Variants in SLC26A3 observed in about 807,000 individuals in gnomAD.
The protein encoded by SLC26A3 is chloride anion exchanger.
Under a neutral mutation model 85.6 loss-of-function variants are expected in SLC26A3, and 64 were observed. The ratio of observed to expected loss-of-function variants is 0.75; its 90% CI spans 0.61 to 0.92. The LOEUF is 0.92. Among genes scored for constraint, SLC26A3 ranks in the 40% least tolerant of loss-of-function variants. The pLI, the probability that SLC26A3 is intolerant of heterozygous loss-of-function variation, is 0.00. For missense variants in SLC26A3, 922 were observed against 927.3 expected (o/e 0.99, Z 0.07); for synonymous variants, 349 against 336.0 (o/e 1.04, Z -0.42).
At chr7:107,789,787 G>A (rs944286927) in intron 5 of SLC26A3, 99 bp from the exon 6 acceptor site, 46 of 1,291,538 alleles carry the variant, frequency 3.6e-5, no homozygotes, top group Non-Finnish European at 4.8e-5. Flanking sequence ...AAACGTAAAG[G>A]CTCAACCTGT....
intron 6 of SLC26A3, among the ~76,000 whole-genome samples, chr7:107,787,776 T>G (rs1255420839): frequency 1.3e-5 from 2 of 152,210 alleles, no homozygotes; most frequent in African/African-American, 4.8e-5. Context: ...CTTTGGCTAG[T>G]GTCAAATTTT....
chr7:107,774,766 A>G lies in SLC26A3; in HGVS notation c.1773+11T>C. On this transcript the variant is annotated intron_variant, in intron 16 of 20. Transcript: ENST00000340010. Reference sequence around the variant, plus strand: ...AGCTATAATGCATAGAAATGTGGTCAAGGAACTTACTGGTGTCACTTGTAG... The same window carrying G: ...AGCTATAATGCATAGAAATGTGGTCGAGGAACTTACTGGTGTCACTTGTAG... 6.2e-7 allele frequency: 1 copy of G among 1,602,928 alleles called. No individual in the cohort carries two copies. The highest frequency in any genetic ancestry group is 8.5e-7 in the Non-Finnish European group (1 of 1,169,902).
chr7:107,787,548 T>C (rs1273874653), intron 6 of SLC26A3, 39 bp from the exon 7 acceptor site: 1 of 1,564,976 alleles, frequency 6.4e-7, no homozygotes. Context: ...AGCCCTATAT[T>C]AATGCACAAT....
intron 17 of SLC26A3, 70 bp downstream of exon 17, chr7:107,773,850 C>T: frequency 1.5e-6 from 2 of 1,316,638 alleles, no homozygotes; most frequent in African/African-American, 1.5e-5. Flanking sequence ...TGTGCCCAGC[C>T]CACAAATACA....
At chr7:107,794,687 CCTTTT>C in intron 1 of SLC26A3, 90 bp from the exon 2 acceptor site, 1 of 664,128 alleles carries the variant, frequency 1.5e-6, no homozygotes, top group African/African-American at 1.8e-5. Flanking sequence ...AATGTTACCA[CCTTTT>C]AAGATCAAAA....
intron 18 of SLC26A3, among the ~76,000 whole-genome samples, chr7:107,770,369 A>T (rs1794008570): frequency 7.0e-6 from 1 of 143,554 alleles, no homozygotes; most frequent in Non-Finnish European, 1.5e-5. Flanking sequence ...CGATCCTTCC[A>T]TCTCAACCTC....
chr7:107,790,615 C>T lies in SLC26A3; in HGVS notation c.570+433G>A, dbSNP rs74537266. Among the ~76,000 whole-genome samples, 442 of 152,220 alleles carry T rather than the reference C, an allele frequency of 2.9e-3. 5 individuals carry two copies. Among genetic ancestry groups the T allele is most frequent in the African/African-American group, 9.9e-3 (410 of 41,536 alleles). ...TTCCCCAAAATTGACATGAACAGTTCAAAGCCCCCATCCCTTCCAACTAGA... is the reference window on the plus strand; with the variant it reads ...TTCCCCAAAATTGACATGAACAGTTTAAAGCCCCCATCCCTTCCAACTAGA... On this transcript the variant is annotated intron_variant, in intron 5 of 20. Transcript: ENST00000340010.
intron 6 of SLC26A3, among the ~76,000 whole-genome samples, chr7:107,789,295 A>T (rs1358941616): frequency 6.8e-5 from 10 of 147,178 alleles, no homozygotes; most frequent in Non-Finnish European, 1.5e-4. Context: ...TTTTTTTTTT[A>T]ATTTTTAGTA....
Position 107,774,128 on chromosome 7 carries a change from G to C in SLC26A3, c.1799C>G (p.Thr600Ser). ...CAGCTCTTCGTCAGAATCTTTTATG[G>C]TGTCAACAGTACATATAAATCCTTT... ...TPKGFICTVD[T>S]IKDSDEELDN... The change falls in exon 17 of 21, where the codon ACC becomes AGC. Residue 600 changes from threonine to serine, a missense_variant. Thr to Ser is a moderately conservative substitution (Grantham distance 58). Coordinates refer to ENST00000340010, the MANE Select transcript of SLC26A3 (RefSeq NM_000111.3). 1 of 1,613,882 alleles carries C rather than the reference G, an allele frequency of 6.2e-7. No individual in the cohort carries two copies. The highest frequency in any genetic ancestry group is 8.5e-7 in the Non-Finnish European group (1 of 1,179,824).
At chr7:107,784,363 T>C (rs1794257623) in intron 8 of SLC26A3, among the ~76,000 whole-genome samples, 1 of 152,236 alleles carries the variant, frequency 6.6e-6, no homozygotes, top group Non-Finnish European at 1.5e-5. Flanking sequence ...ATTTACAGTC[T>C]AAAGACTTGG....
chr7:107,799,175 G>A lies in SLC26A3; in HGVS notation c.-89+3936C>T, dbSNP rs1023804613. 9.9e-5 allele frequency among the ~76,000 whole-genome samples: 15 copies of A among 152,120 alleles called. No homozygotes were observed. In the East Asian group the frequency reaches 1.5e-3, roughly 16 times the overall value. ...TCAGAAGGGGTCAAAGGCTGAGGTG[G>A]GCAATAATTGTTACTACTATTTTTC... is the stretch of plus-strand genomic sequence containing the variant. On this transcript the variant is annotated intron_variant, in intron 1 of 20. Coordinates refer to ENST00000340010, the MANE Select transcript of SLC26A3 (RefSeq NM_000111.3).
chr7:107,794,471 C>T lies in SLC26A3; in HGVS notation c.39G>A (p.Arg13=). 6.2e-7 allele frequency: 1 copy of T among 1,614,018 alleles called. No homozygotes were observed. The highest frequency in any genetic ancestry group is 8.5e-7 in the Non-Finnish European group (1 of 1,179,932). Reference sequence around the variant, plus strand: ...CAAAAGCATTTGTAGAATACACTGGCCTGGCCACAATATACTGATTCCCAA... The same window carrying T: ...CAAAAGCATTTGTAGAATACACTGGTCTGGCCACAATATACTGATTCCCAA... ...EPFGNQYIVA[R]PVYSTNAFEE... is the part of the protein sequence containing the mutation. Residue 13 remains arginine (R), a synonymous_variant, in exon 2 of 21, where the codon AGG becomes AGA. Coordinates refer to ENST00000340010, the MANE Select transcript of SLC26A3 (RefSeq NM_000111.3).
chr7:107,800,926 G>C (rs922631036), intron 1 of SLC26A3, among the ~76,000 whole-genome samples: 6 of 152,204 alleles, frequency 3.9e-5, no homozygotes, highest in African/African-American at 1.4e-4. Context: ...AGGTTATTGA[G>C]AGTTCCAAAC....
intron 18 of SLC26A3, 26 bp downstream of exon 18, chr7:107,772,028 C>G (rs375073537): frequency 2.3e-5 from 36 of 1,569,072 alleles, no homozygotes; most frequent in Non-Finnish European, 2.8e-5. Context: ...ATTGTCAGAA[C>G]ATAAAACAAA....
At chr7:107,768,461 T>TA (rs1367639740) in intron 18 of SLC26A3, among the ~76,000 whole-genome samples, 1 of 152,198 alleles carries the variant, frequency 6.6e-6, no homozygotes, top group Non-Finnish European at 1.5e-5. Context: ...AACCAACTAT[T>TA]ACCTTATGTC....
At chr7:107,776,593 T>G in intron 14 of SLC26A3, 44 bp downstream of exon 14, 2 of 1,605,726 alleles carry the variant, frequency 1.2e-6, no homozygotes, top group Non-Finnish European at 1.7e-6. Context: ...GATCCATAGT[T>G]AATATCATTT....
chr7:107,768,439 CA>C (rs1328826827), intron 18 of SLC26A3, among the ~76,000 whole-genome samples: 2 of 152,204 alleles, frequency 1.3e-5, no homozygotes, highest in Non-Finnish European at 2.9e-5. Context: ...CATTCATTTA[CA>C]TAGATGACTC....
intron 1 of SLC26A3, among the ~76,000 whole-genome samples, chr7:107,799,539 C>T (rs920833877): frequency 6.6e-6 from 1 of 152,012 alleles, no homozygotes; most frequent in Non-Finnish European, 1.5e-5. Context: ...TACAGGCACC[C>T]GTTACCATGC....
chr7:107,767,952 T>G lies in SLC26A3; in HGVS notation c.2063-44A>C, dbSNP rs756501990. ...TAACTTTTAGGAAGAAACAATTGTT[T>G]GGCTACCGGTTTCCCCTTGAGGCTA... On this transcript the variant is annotated intron_variant, in intron 18 of 20. Transcript: ENST00000340010. 7 of 1,585,312 alleles carry G rather than the reference T, an allele frequency of 4.4e-6. No individual in the cohort carries two copies. In the Admixed American group the frequency reaches 1.2e-4, roughly 27 times the overall value.
Sources: allele counts gnomAD v4.1 joint callset (sites outside exome capture counted in the v4.1 genomes callset), GRCh38; gene constraint gnomAD v4.1.1; transcripts MANE v1.5; gene names NCBI Gene and HGNC (gene_info 2026-07-23, HGNC 2026-07-21).